The following ARAP2 variants were observed in gnomAD, a reference collection of about 807,000 sequenced individuals.
The protein encoded by ARAP2 is ArfGAP with RhoGAP domain, ankyrin repeat and PH domain 2, also known as arf-GAP with Rho-GAP domain, ANK repeat and PH domain-containing protein 2.
ARAP2 carries 148 observed loss-of-function variants against 194.5 expected under a neutral mutation model. The ratio of observed to expected loss-of-function variants is 0.76; its 90% CI spans 0.67 to 0.87. The LOEUF is 0.87. Ranked by LOEUF, ARAP2 falls within the 40% of genes least tolerant of loss-of-function variation. The pLI is 0.00. For missense variants in ARAP2, 2,128 were observed against 1,989.7 expected, an observed-to-expected ratio of 1.07 and a Z score of -1.32; for synonymous variants, 695 against 683.5, an observed-to-expected ratio of 1.02 and a Z score of -0.26.
intron 9 of ARAP2, among the ~76,000 whole-genome samples, chr4:36,011,094 A>C (rs1203278397): frequency 6.6e-6 from 1 of 152,148 alleles, no homozygotes; most frequent in Non-Finnish European, 1.5e-5. Flanking sequence ...ATGTCCAAGA[A>C]AGAGTGGCTC....
chr4:36,129,433 C>G (rs1233432018), intron 20 of ARAP2, among the ~76,000 whole-genome samples: 1 of 151,874 alleles, frequency 6.6e-6, no homozygotes, highest in African/African-American at 2.4e-5. Context: ...CTTCTCTGCC[C>G]AATCCCCATT....
intron 28 of ARAP2, among the ~76,000 whole-genome samples, chr4:36,086,561 G>A (rs943114646): frequency 2.6e-5 from 4 of 152,028 alleles, no homozygotes; most frequent in African/African-American, 7.2e-5. Flanking sequence ...TGGCAAGATC[G>A]CTTTACTGTT....
chr4:36,050,120 G>A (rs1205221403), intron 3 of ARAP2, among the ~76,000 whole-genome samples: 5 of 152,054 alleles, frequency 3.3e-5, no homozygotes, highest in Non-Finnish European at 7.4e-5. Context: ...CTTAAACTTG[G>A]TTATGTATTG....
chr4:36,093,309 C>A (rs1178056764), intron 27 of ARAP2, among the ~76,000 whole-genome samples: 2 of 151,956 alleles, frequency 1.3e-5, no homozygotes, highest in African/African-American at 4.8e-5. Flanking sequence ...CCCCATGACC[C>A]AAGTTTACCT....
chr4:36,043,847 G>GGAA (rs1721336618), intron 5 of ARAP2, among the ~76,000 whole-genome samples: 5 of 16,608 alleles, frequency 3.0e-4, no homozygotes, highest in Non-Finnish European at 5.7e-4. Context: ...AGGGGAGGGG[G>GGAA]GAGGGGAGGG....
chr4:36,035,524 A>C (rs952446304), intron 5 of ARAP2, among the ~76,000 whole-genome samples: 1 of 152,148 alleles, frequency 6.6e-6, no homozygotes, highest in African/African-American at 2.4e-5. Context: ...TTTTGGATAT[A>C]TGCCTAGTAA....
At chr4:36,005,763 A>G (rs1243452925) in intron 10 of ARAP2, 1 of 152,226 alleles carries the variant, frequency 6.6e-6, no homozygotes, top group African/African-American at 2.4e-5. Flanking sequence ...GTAAAGTGAC[A>G]GTATTTCTAA....
chr4:36,046,279 C>A (rs1266771752), intron 4 of ARAP2, among the ~76,000 whole-genome samples: 1 of 152,098 alleles, frequency 6.6e-6, no homozygotes, highest in Non-Finnish European at 1.5e-5. Context: ...ACTTCCTGGA[C>A]TGAAACAACA....
intron 1 of ARAP2, among the ~76,000 whole-genome samples, chr4:36,235,473 G>A (rs1560739276): frequency 6.6e-6 from 1 of 152,136 alleles, no homozygotes; most frequent in East Asian, 1.9e-4. Context: ...CTGCTCAAAT[G>A]CGCCCTCTTC....
chr4:36,119,842 G>C, intron 23 of ARAP2, 124 bp from the exon 24 acceptor site: 1 of 609,850 alleles, frequency 1.6e-6, no homozygotes, highest in Non-Finnish European at 2.8e-6. Flanking sequence ...AATGGCCATC[G>C]GAATCAATAT....
At chr4:36,187,968 G>C (rs1028737684) in intron 7 of ARAP2, among the ~76,000 whole-genome samples, 1 of 152,156 alleles carries the variant, frequency 6.6e-6, no homozygotes, top group South Asian at 2.1e-4. Context: ...ATTTTGAAAC[G>C]AGTTTGTTAC....
chr4:36,219,212 T>C (rs1748643581), intron 2 of ARAP2, among the ~76,000 whole-genome samples: 2 of 152,316 alleles, frequency 1.3e-5, no homozygotes, highest in Admixed American at 6.5e-5. Flanking sequence ...ACAGCAATCC[T>C]ACTCCTAGGT....
intron 25 of ARAP2, 83 bp from the exon 26 acceptor site, chr4:36,114,370 C>T (rs1720812688): frequency 5.0e-6 from 4 of 799,044 alleles, no homozygotes; most frequent in Non-Finnish European, 8.1e-6. Flanking sequence ...TCCCCATCCA[C>T]CATTTAATGA....
chr4:36,168,441 C>G (rs1406275395), intron 9 of ARAP2, among the ~76,000 whole-genome samples: 1 of 152,152 alleles, frequency 6.6e-6, no homozygotes, highest in African/African-American at 2.4e-5. Context: ...CCTACACCAC[C>G]AGATTTGTTA....
chr4:36,185,464 C>CTGAACAAAGCTGCTCA (rs1740315270), intron 8 of ARAP2, among the ~76,000 whole-genome samples: 2 of 152,018 alleles, frequency 1.3e-5, no homozygotes, highest in Non-Finnish European at 2.9e-5. Context: ...AAAGCTGCTC[C>CTGAACAAAGCTGCTCA]AGTGTGAAGG....
chr4:36,127,250 A>G (rs1724161413), intron 21 of ARAP2, among the ~76,000 whole-genome samples: 1 of 152,076 alleles, frequency 6.6e-6, no homozygotes, highest in South Asian at 2.1e-4. Context: ...AACAAAAATG[A>G]GGGGTGCAAG....
Position 36,017,564 on chromosome 4 carries a change from T to TTAAA in ARAP2, n.750+1579_750+1580insTTTA, listed in dbSNP as rs1553863575. 5.4e-3 allele frequency among the ~76,000 whole-genome samples: 231 copies of TTAAA among 42,624 alleles called. 15 individuals are homozygous for TTAAA. Among genetic ancestry groups the TTAAA allele is most frequent in the African/African-American group, 0.025 (218 of 8,692 alleles). 28.0% of individuals were successfully genotyped at this position (42,624 alleles called of 152,430 possible). A position where few individuals can be genotyped will look rare whatever the true frequency, so the allele number is the denominator to read the frequency against. On this transcript the variant is annotated intron_variant and non_coding_transcript_variant, in intron 6 of 12. Coordinates refer to the ARAP2 transcript ENST00000503225. ...TTTAAGCAAAGACCTAAGAAAGTGG[T>TTAAA]AAAAAAAAAAAAAAAAAAAAAAAGC...
intron 2 of ARAP2, among the ~76,000 whole-genome samples, chr4:36,220,267 C>T (rs1305281457): frequency 6.6e-6 from 1 of 151,876 alleles, no homozygotes; most frequent in Non-Finnish European, 1.5e-5. Context: ...ATCCCCGGCA[C>T]GTTTTGATCA....
At chr4:36,186,104 A>G (rs904900751) in intron 8 of ARAP2, among the ~76,000 whole-genome samples, 2 of 152,334 alleles carry the variant, frequency 1.3e-5, no homozygotes, top group Admixed American at 6.5e-5. Context: ...TTATAATTCA[A>G]ATAATTAAAG....
Sources: allele counts gnomAD v4.1 joint callset (sites outside exome capture counted in the v4.1 genomes callset), GRCh38; gene constraint gnomAD v4.1.1; transcripts MANE v1.5; gene names NCBI Gene and HGNC (gene_info 2026-07-23, HGNC 2026-07-21).